ATP8B1: variants seen among roughly 807,000 people sequenced by gnomAD.
The protein encoded by ATP8B1 is ATPase phospholipid transporting 8B1.
In ATP8B1, 80 loss-of-function variants were observed where a neutral mutation model predicts 149.9. That is an observed-to-expected ratio of 0.53 (90% CI 0.45 to 0.64). The LOEUF (loss-of-function observed/expected upper bound fraction) is 0.64, where lower values mean the gene tolerates loss of function less well. ATP8B1 is among the 30% of genes least tolerant of loss of function. The pLI is 0.00. For missense variants in ATP8B1, 1,247 were observed against 1,552.6 expected (o/e 0.80, Z 3.31); for synonymous variants, 536 against 562.8 (o/e 0.95, Z 0.67).
chr18:57,669,509 C>T, intron 17 of ATP8B1, 27 bp from the exon 18 acceptor site: 2 of 1,591,834 alleles, frequency 1.3e-6, no homozygotes, highest in South Asian at 1.1e-5. Context: ...AATAAATCCA[C>T]CAATGCAAAG....
At chr18:57,726,286 C>T (rs761169060) in intron 2 of ATP8B1, among the ~76,000 whole-genome samples, 3 of 152,132 alleles carry the variant, frequency 2.0e-5, no homozygotes, top group Non-Finnish European at 4.4e-5. Context: ...GGACACTAAA[C>T]TGGGCAAAGA....
chr18:57,697,723 C>A (rs759368821), intron 7 of ATP8B1, 35 bp from the exon 8 acceptor site: 1 of 1,613,602 alleles, frequency 6.2e-7, no homozygotes, highest in Middle Eastern at 1.6e-4. Context: ...AACACCGAGA[C>A]CCTGAGGGAA....
chr18:57,779,460 G>A (rs532637250), intron 1 of ATP8B1, among the ~76,000 whole-genome samples: 2 of 152,200 alleles, frequency 1.3e-5, no homozygotes, highest in Non-Finnish European at 2.9e-5. Context: ...CCCAGAAGGG[G>A]CAAAAATAAA....
chr18:57,671,437 C>A, intron 17 of ATP8B1, 31 bp downstream of exon 17: 1 of 1,524,132 alleles, frequency 6.6e-7, no homozygotes, highest in Non-Finnish European at 9.1e-7. Context: ...AGTTCAGAAT[C>A]CCTTGCAGAA....
At chr18:57,738,575 C>T (rs1258402483) in intron 1 of ATP8B1, among the ~76,000 whole-genome samples, 8 of 151,960 alleles carry the variant, frequency 5.3e-5, no homozygotes, top group African/African-American at 9.7e-5. Context: ...GCTGAGATCG[C>T]GCCATTGCAC....
intron 1 of ATP8B1, among the ~76,000 whole-genome samples, chr18:57,756,190 A>AAT (rs1286574415): frequency 2.1e-5 from 2 of 97,122 alleles, no homozygotes; most frequent in Non-Finnish European, 1.9e-5. Flanking sequence ...ACATTTCCAC[A>AAT]ACATATATAT....
At chr18:57,660,947 C>T (rs191260002) in intron 22 of ATP8B1, among the ~76,000 whole-genome samples, 49 of 152,282 alleles carry the variant, frequency 3.2e-4, no homozygotes, top group Admixed American at 1.4e-3. Flanking sequence ...TTTTCCTCTT[C>T]GCATCCTTCA....
In ATP8B1 at chr18:57,668,641, T is replaced by G. The variant is rs572892883; in HGVS notation, c.2098-101A>C. 2.9e-5 allele frequency: 21 copies of G among 724,004 alleles called. No homozygotes were observed. In the South Asian group the frequency reaches 3.6e-4, roughly 12 times the overall value. The allele number at this position is 724,004 out of a possible 1,614,324, so 44.8% of individuals were successfully genotyped here. On this transcript the variant is annotated intron_variant, in intron 18 of 27. Coordinates refer to ENST00000648908, the MANE Select transcript of ATP8B1 (RefSeq NM_001374385.1). ...AACCTGTAAAAAGAAGGGCTAATTATACATCCTGGTTGCTGCTCTCCTGGG... is the reference window on the plus strand; with the variant it reads ...AACCTGTAAAAAGAAGGGCTAATTAGACATCCTGGTTGCTGCTCTCCTGGG...
Position 57,672,931 on chromosome 18 carries a change from T to TC in ATP8B1, c.1820-1352_1820-1351insG, listed in dbSNP as rs1911334874. 3.0e-3 allele frequency among the ~76,000 whole-genome samples: 99 copies of TC among 33,194 alleles called. 5 individuals carry two copies. The highest frequency in any genetic ancestry group is 4.4e-3 in the East Asian group (4 of 902). The allele number at this position is 33,194 out of a possible 152,430, so 21.8% of individuals were successfully genotyped here. A position where few individuals can be genotyped will look rare whatever the true frequency, so the allele number is the denominator to read the frequency against. On this transcript the variant is annotated intron_variant, in intron 16 of 27. Transcript: ENST00000648908. ...ATATATATATATATATATATATATA[T>TC]AACATGTATATACACATATATACAT...
Position 57,727,004 on chromosome 18 carries a change from C to T in ATP8B1, c.181+4623G>A, listed in dbSNP as rs1214552610. Among the ~76,000 whole-genome samples the T allele has an allele frequency of 3.3e-5, 5 of 152,048 alleles. No homozygotes were observed. In the South Asian group the frequency reaches 6.2e-4, roughly 19 times the overall value. On this transcript the variant is annotated intron_variant, in intron 2 of 27. Transcript: ENST00000648908. ...CTGAGGCAGGAGAATCACTTGAACC[C>T]GGGAGGCGGAGGTTGCAGTGAGCTG... is the stretch of plus-strand genomic sequence containing the variant.
chr18:57,647,576 G>T lies in ATP8B1; in HGVS notation c.*912C>A, dbSNP rs1325100129. 2 of 152,516 alleles carry T rather than the reference G, an allele frequency of 1.3e-5. No homozygotes were observed. The highest frequency in any genetic ancestry group is 3.8e-4 in the East Asian group (2 of 5,198). 9.4% of individuals were successfully genotyped at this position (152,516 alleles called of 1,614,324 possible). On this transcript the variant is annotated 3_prime_UTR_variant, in exon 28 of 28. Coordinates refer to ENST00000648908, the MANE Select transcript of ATP8B1 (RefSeq NM_001374385.1). ...GAAAAAGGGGCCTCTGGGAAATTAT[G>T]CTGAAGATCACCGAAAGGAAAATGT...
At chr18:57,749,695 C>T (rs2079997712) in intron 1 of ATP8B1, among the ~76,000 whole-genome samples, 4 of 152,118 alleles carry the variant, frequency 2.6e-5, no homozygotes, top group Admixed American at 2.0e-4. Flanking sequence ...GAAGCAGGCT[C>T]TGGCTGAATT....
At chr18:57,783,834 TA>T (rs113576187) in intron 1 of ATP8B1, among the ~76,000 whole-genome samples, 46 of 148,998 alleles carry the variant, frequency 3.1e-4, no homozygotes, top group African/African-American at 7.6e-4. Context: ...GACCCCGTCT[TA>T]AAAAAAAAAT....
At chr18:57,777,415 T>C (rs1168402359) in intron 1 of ATP8B1, among the ~76,000 whole-genome samples, 1 of 152,186 alleles carries the variant, frequency 6.6e-6, no homozygotes, top group Non-Finnish European at 1.5e-5. Context: ...TGTCATTTGT[T>C]CCAGGGGAAA....
intron 1 of ATP8B1, among the ~76,000 whole-genome samples, chr18:57,779,835 T>C (rs2080342207): frequency 6.6e-6 from 1 of 150,530 alleles, no homozygotes; most frequent in Non-Finnish European, 1.5e-5. Context: ...AAGACAGAGG[T>C]TGCAGTGAGC....
chr18:57,756,056 G>C (rs764736874), intron 1 of ATP8B1, among the ~76,000 whole-genome samples: 2 of 151,108 alleles, frequency 1.3e-5, no homozygotes, highest in Non-Finnish European at 2.9e-5. Context: ...AACATTCACA[G>C]TTATCTAATA....
At chr18:57,669,230 GCATGAGATCAAATATT>G in intron 18 of ATP8B1, 72 bp downstream of exon 18, 1 of 1,326,140 alleles carries the variant, frequency 7.5e-7, no homozygotes, top group Non-Finnish European at 1.0e-6. Flanking sequence ...TATCTCTTAA[GCATGAGATCAAATATT>G]CAATAAAACT....
rs371785570 is a variant in ATP8B1, at chr18:57,648,562, G to C, written c.3682C>G (p.Arg1228Gly). 22 of 1,611,356 alleles carry C rather than the reference G, an allele frequency of 1.4e-5. No homozygotes were observed. The African/African-American group carries it at 2.4e-4, about 18-fold the overall frequency. ...GCATCAAGCGGCGAGCGCTTCTTGC[G>C]GATGCTGCGCCCGGAGGAGATGAGG... ...ADLISSGRSI[R>G]KKRSPLDAIV... The change falls in exon 28 of 28, where the codon CGC becomes GGC. Residue 1228 changes from arginine (R) to glycine (G), a missense_variant. Arg to Gly is a moderately radical substitution (Grantham distance 125). This residue lies in a region of ATP8B1 where 164 missense variants were observed against 160.3 expected (regional missense o/e 1.02). Coordinates refer to ENST00000648908, the MANE Select transcript of ATP8B1 (RefSeq NM_001374385.1).
chr18:57,738,860 A>G (rs1471387522), intron 1 of ATP8B1, among the ~76,000 whole-genome samples: 2 of 152,032 alleles, frequency 1.3e-5, no homozygotes, highest in African/African-American at 4.8e-5. Context: ...TTATGGATTG[A>G]ATTATGGCCC....
Sources: allele counts gnomAD v4.1 joint callset (sites outside exome capture counted in the v4.1 genomes callset), GRCh38; gene constraint gnomAD v4.1.1; regional missense constraint gnomAD v4.1.1; transcripts MANE v1.5; gene names NCBI Gene and HGNC (gene_info 2026-07-23, HGNC 2026-07-21).